The following SBDS variants were observed in gnomAD, a reference collection of about 807,000 sequenced individuals.
SBDS encodes SBDS ribosome maturation factor.
A neutral mutation model predicts 26.4 loss-of-function variants in SBDS; 20 were observed. That is an observed-to-expected ratio of 0.76 (90% CI 0.53 to 1.10). SBDS has a LOEUF of 1.10. SBDS is among the 50% of genes least tolerant of loss of function. SBDS has a pLI of 0.00. For synonymous variants in SBDS, 95 were observed against 105.1 expected (o/e 0.90, Z 0.59); for missense variants, 241 against 302.0 (o/e 0.80, Z 1.50).
rs1294015072 is a variant in SBDS at position 66,994,202 on chromosome 7, T to C, written c.258+10A>G. On this transcript the variant is annotated intron_variant, in intron 2 of 4. Coordinates refer to ENST00000246868, the MANE Select transcript of SBDS (RefSeq NM_016038.4). ...TTATTAGGGTTAGCTATGCTGCAGC[T>C]GTTACCCACCTGCTTACAGATTTCA... 1.2e-6 allele frequency: 2 copies of C among 1,613,814 alleles called. No homozygotes were observed. The highest frequency in any genetic ancestry group is 1.7e-6 in the Non-Finnish European group (2 of 1,179,864).
chr7:66,992,361 T>C (rs931037017), intron 3 of SBDS, among the ~76,000 whole-genome samples: 1 of 152,164 alleles, frequency 6.6e-6, no homozygotes, highest in African/African-American at 2.4e-5. Flanking sequence ...TGACTTTCTT[T>C]TTGTGGTGAT....
intron 2 of SBDS, among the ~76,000 whole-genome samples, chr7:66,993,792 T>G (rs1431439994): frequency 6.6e-6 from 1 of 151,696 alleles, no homozygotes; most frequent in Non-Finnish European, 1.5e-5. Context: ...GAGAATCGCT[T>G]GAATCCAGGA....
At position 66,990,730 on chromosome 7, in the gene SBDS, T is replaced by C. The variant is rs534087317; in HGVS notation, c.624+407A>G. Among the ~76,000 whole-genome samples the C allele has an allele frequency of 3.3e-5, 5 of 152,126 alleles. No homozygotes were observed. The East Asian group carries it at 9.7e-4, about 29-fold the overall frequency. ...TGACCAACCTTTAGTCTTAAGAAAA[T>C]ATCTGGCTGGGCGCGGTGGCTCACG... On this transcript the variant is annotated intron_variant, in intron 4 of 4. Coordinates refer to ENST00000246868, the MANE Select transcript of SBDS (RefSeq NM_016038.4).
At chr7:66,994,724 C>T (rs1263718576) in intron 1 of SBDS, among the ~76,000 whole-genome samples, 5 of 152,198 alleles carry the variant, frequency 3.3e-5, no homozygotes, top group Non-Finnish European at 5.9e-5. Flanking sequence ...CTCCTGGCCT[C>T]AAGTGAACTG....
chr7:66,994,156 C>G, intron 2 of SBDS, 56 bp downstream of exon 2: 4 of 1,577,934 alleles, frequency 2.5e-6, no homozygotes, highest in South Asian at 1.1e-5. Context: ...TTTAATATAT[C>G]TACAAATACG....
chr7:66,992,287 AGAG>A (rs1211653633), intron 3 of SBDS, among the ~76,000 whole-genome samples: 5 of 151,992 alleles, frequency 3.3e-5, no homozygotes, highest in African/African-American at 1.2e-4. Context: ...GTCCATAACG[AGAG>A]GAGATTAGTG....
chr7:66,990,279 A>C (rs1195066244), intron 4 of SBDS, among the ~76,000 whole-genome samples: 1 of 152,206 alleles, frequency 6.6e-6, no homozygotes, highest in East Asian at 1.9e-4. Context: ...TGGCCTCCCA[A>C]AGTGCTGGGA....
chr7:66,993,221 TG>T lies in SBDS; in HGVS notation c.454del (p.Gln152SerfsTer6). 1 of 1,613,614 alleles carries T rather than the reference TG, an allele frequency of 6.2e-7. No individual in the cohort carries two copies. On this transcript the variant is annotated frameshift_variant, in exon 3 of 5. Coordinates refer to ENST00000246868, the MANE Select transcript of SBDS (RefSeq NM_016038.4). LOFTEE classifies it high-confidence loss of function. The part of the protein sequence containing the change: ...YSVKTNKSTK[Q>X]QALEVIKQLK... ...ATGACATGAGAAACCACTCACCTGC[TG>T]TTTTGTACTCTTGTTGGTTTTCACC...
intron 1 of SBDS, chr7:66,995,055 C>T (rs1193476045): frequency 3.4e-6 from 2 of 585,462 alleles, no homozygotes; most frequent in South Asian, 4.0e-5. Context: ...TTTATGACAC[C>T]AACAAAACAA....
Position 66,994,626 on chromosome 7 carries a change from C to G in SBDS, c.129-285G>C, listed in dbSNP as rs187976441. Among the ~76,000 whole-genome samples, 385 of 152,228 alleles carry G rather than the reference C, an allele frequency of 2.5e-3. 4 individuals are homozygous for G. The highest frequency in any genetic ancestry group is 0.024 in the Admixed American group (369 of 15,280). On this transcript the variant is annotated intron_variant, in intron 1 of 4. Transcript: ENST00000246868. ...TCTCCCGCCTCAGCCTCCTGAGTAA[C>G]TGGGATTACAGGCATGCGCCACCAC...
At chr7:66,992,987 A>T (rs1042210533) in intron 3 of SBDS, among the ~76,000 whole-genome samples, 1 of 151,430 alleles carries the variant, frequency 6.6e-6, no homozygotes, top group African/African-American at 2.4e-5. Context: ...AGCCTGGGCA[A>T]TAGAGTAAGA....
Position 66,994,234 on chromosome 7 carries a change from T to C in SBDS, c.236A>G (p.Asp79Gly). 4 of 1,614,096 alleles carry C rather than the reference T, an allele frequency of 2.5e-6. No homozygotes were observed. The highest frequency in any genetic ancestry group is 3.4e-6 in the Non-Finnish European group (4 of 1,179,966). ...EDLISAFGTD[D>G]QTEICKQILT... ...CACCTGCTTACAGATTTCAGTTTGG[T>C]CATCTGTTCCAAACGCACTGATGAG... Residue 79 changes from aspartate (D) to glycine (G), a missense_variant, in exon 2 of 5, where the codon GAC becomes GGC. Physicochemically the swap from Asp to Gly is moderately conservative, Grantham distance 94. Coordinates refer to ENST00000246868, the MANE Select transcript of SBDS (RefSeq NM_016038.4).
At chr7:66,994,028 A>AC (rs1793031543) in intron 2 of SBDS, among the ~76,000 whole-genome samples, 184 bp downstream of exon 2, 1 of 150,902 alleles carries the variant, frequency 6.6e-6, no homozygotes, top group Non-Finnish European at 1.5e-5. Flanking sequence ...GCAAAAAAAA[A>AC]AAAAAAAAAA....
At chr7:66,993,038 C>T (rs533124815) in intron 3 of SBDS, among the ~76,000 whole-genome samples, 179 bp downstream of exon 3, 8 of 151,524 alleles carry the variant, frequency 5.3e-5, no homozygotes, top group Admixed American at 2.0e-4. Context: ...AGAGATGGGG[C>T]GTCCCTATGT....
chr7:66,990,082 C>A (rs1029887267), intron 4 of SBDS, among the ~76,000 whole-genome samples: 1 of 149,624 alleles, frequency 6.7e-6, no homozygotes, highest in Non-Finnish European at 1.5e-5. Context: ...TGCAATGGTG[C>A]AATCTTGGCT....
At chr7:66,990,516 T>C (rs191289756) in intron 4 of SBDS, among the ~76,000 whole-genome samples, 4 of 152,330 alleles carry the variant, frequency 2.6e-5, no homozygotes, top group African/African-American at 9.6e-5. Context: ...ATAGTGTGCT[T>C]TGTACTAATT....
At chr7:66,994,974 G>C (rs1487182899) in intron 1 of SBDS, among the ~76,000 whole-genome samples, 2 of 152,180 alleles carry the variant, frequency 1.3e-5, no homozygotes, top group Non-Finnish European at 2.9e-5. Flanking sequence ...GACAGTATTC[G>C]TAAGACTAGG....
rs555228639 is a variant in SBDS, at chr7:66,991,271, T to G, written c.490A>C (p.Lys164Gln). 1 of 1,613,450 alleles carries G rather than the reference T, an allele frequency of 6.2e-7. No homozygotes were observed. Among genetic ancestry groups the G allele is most frequent in the South Asian group, 1.1e-5 (1 of 90,864 alleles). Reference sequence around the variant, plus strand: ...ATGTGAGCACGTTCTATCTTCATTTTCTCTTTTAACTGCTTTATCACTTCC... The same window carrying G: ...ATGTGAGCACGTTCTATCTTCATTTGCTCTTTTAACTGCTTTATCACTTCC... ...ALEVIKQLKE[K>Q]MKIERAHMRL... Residue 164 changes from lysine (K) to glutamine (Q), a missense_variant, in exon 4 of 5, where the codon AAA (lysine) becomes CAA (glutamine). Coordinates refer to ENST00000246868, the MANE Select transcript of SBDS (RefSeq NM_016038.4).
Position 66,995,378 on chromosome 7 carries a change from T to A in SBDS, c.40A>T (p.Asn14Tyr), listed in dbSNP as rs751329484. The A allele has an allele frequency of 3.1e-6, 5 of 1,613,948 alleles. No homozygotes were observed. In the African/African-American group the frequency reaches 6.7e-5, roughly 22 times the overall value. ...CGCTTCATCCGTACCACGGCCACAT[T>A]GGTTAGGCGGATCTGGTTGGTGGGG... ...FTPTNQIRLT[N>Y]VAVVRMKRAG... The change falls in exon 1 of 5, where the codon AAT becomes TAT. Residue 14 changes from asparagine (N) to tyrosine (Y), a missense_variant. Transcript: ENST00000246868.
Sources: allele counts gnomAD v4.1 joint callset (sites outside exome capture counted in the v4.1 genomes callset), GRCh38; gene constraint gnomAD v4.1.1; transcripts MANE v1.5; gene names NCBI Gene and HGNC (gene_info 2026-07-23, HGNC 2026-07-21).